The following GLIS3 variants were observed in gnomAD, a reference collection of about 807,000 sequenced individuals.
GLIS3 encodes zinc finger protein GLIS3.
GLIS3 carries 53 observed loss-of-function variants against 78.6 expected under a neutral mutation model. The ratio of observed to expected loss-of-function variants is 0.67; its 90% confidence interval spans 0.54 to 0.85. The LOEUF (loss-of-function observed/expected upper bound fraction) is 0.85. Ranked by LOEUF, GLIS3 falls within the 40% of genes least tolerant of loss-of-function variation. The pLI, the probability that GLIS3 is intolerant of heterozygous loss-of-function variation, is 0.00. For synonymous variants in GLIS3, 684 were observed against 509.9 expected, an observed-to-expected ratio of 1.34 and a Z score of -4.60; for missense variants, 1,703 against 1,231.1, an observed-to-expected ratio of 1.38 and a Z score of -5.74.
intron 4 of GLIS3, among the ~76,000 whole-genome samples, chr9:4,005,467 C>T (rs1821468093): frequency 6.6e-6 from 1 of 152,106 alleles, no homozygotes; most frequent in African/African-American, 2.4e-5. Flanking sequence ...AGAACATGGC[C>T]CTAGGAGCTA....
At chr9:4,162,708 T>C (rs1835580693) in intron 2 of GLIS3, among the ~76,000 whole-genome samples, 1 of 151,374 alleles carries the variant, frequency 6.6e-6, no homozygotes, top group Non-Finnish European at 1.5e-5. Context: ...ATACAAAAAA[T>C]AAGCTGGGCA....
rs1256230733 is a variant in GLIS3, at chr9:4,212,053, T to A, written c.388+73985A>T. ...GATTAACTGTAAATGTGCAGAGGAA[T>A]CTTACTGGGATTCTAAAACTGGATT... On this transcript the variant is annotated intron_variant, in intron 2 of 10. Coordinates refer to ENST00000381971, the MANE Select transcript of GLIS3 (RefSeq NM_001042413.2). Among the ~76,000 whole-genome samples, 4 of 152,276 alleles carry A rather than the reference T, an allele frequency of 2.6e-5. No homozygotes were observed. The East Asian group carries it at 7.7e-4, about 29-fold the overall frequency.
chr9:3,972,898 A>T (rs1818491399), intron 4 of GLIS3, among the ~76,000 whole-genome samples: 1 of 152,168 alleles, frequency 6.6e-6, no homozygotes, highest in African/African-American at 2.4e-5. Context: ...CGGTAGTTCT[A>T]GTGAATCTCT....
rs531871874 is a variant in GLIS3, at chr9:3,908,619, T to C, written c.1984-9784A>G. 2.0e-5 allele frequency among the ~76,000 whole-genome samples: 3 copies of C among 152,018 alleles called. No homozygotes were observed. In the East Asian group the frequency reaches 5.8e-4, roughly 29 times the overall value. Reference sequence around the variant, plus strand: ...ATCAAGGTTTGACAAGGTTACTGCATGCCGAAATTTGAGCTGCTTCCCTAA... The same window carrying C: ...ATCAAGGTTTGACAAGGTTACTGCACGCCGAAATTTGAGCTGCTTCCCTAA... On this transcript the variant is annotated intron_variant, in intron 6 of 10. Transcript: ENST00000381971.
chr9:4,278,843 T>C (rs957319192), intron 2 of GLIS3, among the ~76,000 whole-genome samples: 4 of 152,218 alleles, frequency 2.6e-5, no homozygotes, highest in African/African-American at 7.2e-5. Flanking sequence ...GCATCACAAA[T>C]ACTAGGATGA....
chr9:4,239,167 TG>T (rs1823052500), intron 2 of GLIS3, among the ~76,000 whole-genome samples: 1 of 97,360 alleles, frequency 1.0e-5, no homozygotes, highest in Admixed American at 1.5e-4. Flanking sequence ...TGCACTGTTG[TG>T]GGGTGGGGGG....
the GLIS3 span, among the ~76,000 whole-genome samples, chr9:4,382,854 T>C: frequency 6.6e-6 from 1 of 152,174 alleles, no homozygotes; most frequent in Non-Finnish European, 1.5e-5. Flanking sequence ...TCTAATGAAT[T>C]ACATGAGGGA....
At chr9:3,861,839 A>C (rs1820233237) in intron 8 of GLIS3, among the ~76,000 whole-genome samples, 1 of 152,198 alleles carries the variant, frequency 6.6e-6, no homozygotes, top group Admixed American at 6.5e-5. Flanking sequence ...TGCGGGGCTT[A>C]ATACTTAGGT....
At chr9:3,860,179 G>T (rs761362111) in intron 8 of GLIS3, among the ~76,000 whole-genome samples, 1 of 149,816 alleles carries the variant, frequency 6.7e-6, no homozygotes, top group Non-Finnish European at 1.5e-5. Flanking sequence ...GGAGGCTGAG[G>T]CAGGAGAATG....
At chr9:3,982,025 C>G (rs558955585) in intron 4 of GLIS3, among the ~76,000 whole-genome samples, 2 of 152,144 alleles carry the variant, frequency 1.3e-5, no homozygotes, top group Admixed American at 6.5e-5. Context: ...AAAAAAAATG[C>G]TGGATTGGCC....
chr9:3,864,909 C>A (rs1820473091), intron 8 of GLIS3, among the ~76,000 whole-genome samples: 1 of 152,160 alleles, frequency 6.6e-6, no homozygotes, highest in Admixed American at 6.5e-5. Flanking sequence ...AAATGTAGGT[C>A]ATTGCTGCTG....
the GLIS3 span, among the ~76,000 whole-genome samples, chr9:4,450,343 C>G: frequency 6.6e-6 from 1 of 152,098 alleles, no homozygotes; most frequent in East Asian, 1.9e-4. Context: ...AAATATGGGA[C>G]TATGTGAAAA....
At chr9:4,075,069 G>A (rs776350861) in intron 4 of GLIS3, among the ~76,000 whole-genome samples, 8 of 119,900 alleles carry the variant, frequency 6.7e-5, no homozygotes, top group African/African-American at 1.5e-4. Flanking sequence ...TGATGGAATT[G>A]AGCCTTTAAA....
At chr9:4,457,376 A>G in the GLIS3 span, among the ~76,000 whole-genome samples, 1 of 151,636 alleles carries the variant, frequency 6.6e-6, no homozygotes. Flanking sequence ...AAAAAAAGCA[A>G]GATATATCTG....
At chr9:4,082,746 G>T (rs1158491500) in intron 4 of GLIS3, among the ~76,000 whole-genome samples, 1 of 152,142 alleles carries the variant, frequency 6.6e-6, no homozygotes, top group Non-Finnish European at 1.5e-5. Context: ...ACACTGCTTT[G>T]TAACTCTCCA....
intron 4 of GLIS3, among the ~76,000 whole-genome samples, chr9:4,047,849 T>C (rs559800139): frequency 2.6e-5 from 4 of 152,170 alleles, no homozygotes; most frequent in East Asian, 1.9e-4. Context: ...TTCGGTTACA[T>C]AGGAAAATAA....
chr9:4,373,849 G>C, the GLIS3 span, among the ~76,000 whole-genome samples: 1 of 151,950 alleles, frequency 6.6e-6, no homozygotes, highest in Non-Finnish European at 1.5e-5. Context: ...TGTATTTTTA[G>C]TAGAGACGGG....
the GLIS3 span, among the ~76,000 whole-genome samples, chr9:4,397,627 AAAGG>A: frequency 4.9e-5 from 7 of 144,056 alleles, no homozygotes; most frequent in African/African-American, 8.1e-5. Flanking sequence ...ATAAAAGAAG[AAAGG>A]AAGGAAGAAA....
chr9:4,023,565 G>C (rs1048564531), intron 4 of GLIS3, among the ~76,000 whole-genome samples: 1 of 152,200 alleles, frequency 6.6e-6, no homozygotes, highest in African/African-American at 2.4e-5. Context: ...CGTGTTAAGA[G>C]ACGTGTTAGA....
Sources: allele counts gnomAD v4.1 joint callset (sites outside exome capture counted in the v4.1 genomes callset), GRCh38; gene constraint gnomAD v4.1.1; transcripts MANE v1.5; gene names NCBI Gene and HGNC (gene_info 2026-07-23, HGNC 2026-07-21).